The following PARP15 variants were observed in gnomAD, a reference collection of about 807,000 sequenced individuals.
PARP15 encodes poly(ADP-ribose) polymerase family member 15, also known as protein mono-ADP-ribosyltransferase PARP15.
Under a neutral mutation model 62.1 loss-of-function variants are expected in PARP15, and 50 were observed. That is an observed-to-expected ratio of 0.81 (90% CI 0.64 to 1.02). The LOEUF is 1.02. Ranked by LOEUF, PARP15 falls within the 50% of genes least tolerant of loss-of-function variation. The pLI, the probability that PARP15 is intolerant of heterozygous loss-of-function variation, is 0.00. For missense variants in PARP15, 820 were observed against 826.5 expected (o/e 0.99, Z 0.10); for synonymous variants, 309 against 293.1 (o/e 1.05, Z -0.55).
At chr3:122,619,917 G>A in intron 7 of PARP15, 74 bp downstream of exon 7, 1 of 1,352,686 alleles carries the variant, frequency 7.4e-7, no homozygotes, top group Non-Finnish European at 1.1e-6. Flanking sequence ...GGATGTACAG[G>A]AGGACTGGAG....
In PARP15 at chr3:122,636,239, T is replaced by A; in HGVS notation, c.*139T>A. The stretch of plus-strand genomic sequence containing the variant: ...AATGCTGAAAATTACCTTTTTAAAG[T>A]GCTCTATTGCTGCGATTTGTAGCAT... On this transcript the variant is annotated 3_prime_UTR_variant, in exon 12 of 12. Coordinates refer to ENST00000464300, the MANE Select transcript of PARP15 (RefSeq NM_001113523.3). 3 of 805,920 alleles carry A rather than the reference T, an allele frequency of 3.7e-6. No homozygotes were observed. The highest frequency in any genetic ancestry group is 2.9e-5 in the Admixed American group (1 of 34,400). 49.9% of individuals were successfully genotyped at this position (805,920 alleles called of 1,614,324 possible).
At chr3:122,588,282 G>A (rs1933608948) in intron 1 of PARP15, among the ~76,000 whole-genome samples, 1 of 151,584 alleles carries the variant, frequency 6.6e-6, no homozygotes, top group African/African-American at 2.4e-5. Flanking sequence ...GCTTATTTTT[G>A]CCATTAAAAT....
intron 11 of PARP15, among the ~76,000 whole-genome samples, 162 bp from the exon 12 acceptor site, chr3:122,635,649 G>C (rs555949020): frequency 1.3e-5 from 2 of 152,216 alleles, no homozygotes; most frequent in African/African-American, 4.8e-5. Flanking sequence ...CTGGCCTTAA[G>C]CAATCCTCTT....
At chr3:122,631,923 G>T (rs1937079845) in intron 9 of PARP15, among the ~76,000 whole-genome samples, 163 bp from the exon 10 acceptor site, 1 of 152,138 alleles carries the variant, frequency 6.6e-6, no homozygotes, top group Admixed American at 6.6e-5. Flanking sequence ...ACTTCATCTG[G>T]ATTTACTCAA....
chr3:122,615,575 A>C (rs1935906477), intron 4 of PARP15: 1 of 1,247,526 alleles, frequency 8.0e-7, no homozygotes, highest in South Asian at 1.6e-5. Context: ...TAGTTTACTC[A>C]CAAAGTAAAG....
At chr3:122,601,171 T>C (rs954342546) in intron 1 of PARP15, among the ~76,000 whole-genome samples, 12 of 151,086 alleles carry the variant, frequency 7.9e-5, no homozygotes, top group Admixed American at 7.3e-4. Flanking sequence ...CTACAGGTGC[T>C]TGCCACCACG....
At chr3:122,593,812 G>A (rs577142724) in intron 1 of PARP15, among the ~76,000 whole-genome samples, 15 of 151,842 alleles carry the variant, frequency 9.9e-5, no homozygotes, top group African/African-American at 3.1e-4. Flanking sequence ...AAATTTTGTC[G>A]CTTGTTTTGA....
At position 122,615,789 on chromosome 3, in the gene PARP15, A is replaced by T; in HGVS notation, c.782A>T (p.Asp261Val). 1.2e-6 allele frequency: 2 copies of T among 1,613,064 alleles called. No homozygotes were observed. Among genetic ancestry groups the T allele is most frequent in the South Asian group, 1.1e-5 (1 of 91,014 alleles). ...TGTTTCTATTTCCAGGCATTTTTAG[A>T]TGAATTCACTAACTGGTCAAGAATA... ...NDDEGCQAFLDEFTNWSRINP... is the reference protein window; with the variant it reads ...NDDEGCQAFLVEFTNWSRINP... The change falls in exon 5 of 12, where the codon GAT becomes GTT. Residue 261 changes from aspartate to valine, a missense_variant. Transcript: ENST00000464300.
rs1255422439 is a variant in PARP15, at chr3:122,636,422, A to G, written c.*322A>G. On this transcript the variant is annotated 3_prime_UTR_variant, in exon 12 of 12. Transcript: ENST00000464300. ...AACAAGATGCATCACCTTAAAACCA[A>G]GATGACATTGTTCTTCTTGGAACAT... The G allele has an allele frequency of 3.6e-6, 1 of 279,550 alleles. No homozygotes were observed. The highest frequency in any genetic ancestry group is 6.8e-6 in the Non-Finnish European group (1 of 146,322). 17.3% of individuals were successfully genotyped at this position (279,550 alleles called of 1,614,324 possible). A position where few individuals can be genotyped will look rare whatever the true frequency, so the allele number is the denominator to read the frequency against.
At chr3:122,588,917 T>G (rs1933659167) in intron 1 of PARP15, among the ~76,000 whole-genome samples, 2 of 152,254 alleles carry the variant, frequency 1.3e-5, no homozygotes, top group South Asian at 4.1e-4. Context: ...TTACTTTTTC[T>G]TCTTTTAACC....
chr3:122,624,721 A>G (rs1260958136), intron 8 of PARP15, among the ~76,000 whole-genome samples: 3 of 152,208 alleles, frequency 2.0e-5, no homozygotes, highest in Admixed American at 6.5e-5. Context: ...GTGGCTGTAA[A>G]CATTTATGCG....
intron 1 of PARP15, among the ~76,000 whole-genome samples, chr3:122,595,971 G>A (rs555229721): frequency 4.4e-4 from 66 of 151,612 alleles, no homozygotes; most frequent in Non-Finnish European, 8.8e-4. Context: ...TGTACCTATG[G>A]CTCAGTTTTT....
intron 1 of PARP15, among the ~76,000 whole-genome samples, chr3:122,593,090 G>GTCCATCTATCTA (rs1553727449): frequency 6.8e-6 from 1 of 147,752 alleles, no homozygotes; most frequent in African/African-American, 2.5e-5. Flanking sequence ...AAAATTATCT[G>GTCCATCTATCTA]TCTATCTATC....
At chr3:122,602,706 T>TTGTATTTATTGAA (rs1225537916) in intron 1 of PARP15, among the ~76,000 whole-genome samples, 3 of 151,986 alleles carry the variant, frequency 2.0e-5, no homozygotes, top group Non-Finnish European at 4.4e-5. Context: ...GCATTGTTGC[T>TTGTATTTATTGAA]TGTATTTATT....
chr3:122,595,613 G>A (rs779197611), intron 1 of PARP15, among the ~76,000 whole-genome samples: 2 of 152,258 alleles, frequency 1.3e-5, no homozygotes, highest in Non-Finnish European at 2.9e-5. Flanking sequence ...GCAGTAGCAC[G>A]ATCTTGGCCC....
chr3:122,626,845 C>G lies in PARP15; in HGVS notation c.1250C>G (p.Pro417Arg), dbSNP rs777812073. Reference protein sequence around the residue: ...AIGTGNAGKNPITVADNIIDA... With the variant: ...AIGTGNAGKNRITVADNIIDA... ...TTTTCAGGAAATGCCGGAAAAAACC[C>G]TATCACAGTTGCTGATAACATAATC... is the stretch of plus-strand genomic sequence containing the variant. The change falls in exon 9 of 12, where the codon CCT becomes CGT. Residue 417 changes from proline to arginine, a missense_variant. Physicochemically the swap from Pro to Arg is moderately radical, Grantham distance 103. Transcript: ENST00000464300. 1 of 1,610,740 alleles carries G rather than the reference C, an allele frequency of 6.2e-7. No homozygotes were observed. Among genetic ancestry groups the G allele is most frequent in the East Asian group, 2.2e-5 (1 of 44,860 alleles).
intron 8 of PARP15, among the ~76,000 whole-genome samples, chr3:122,626,453 C>T (rs1222663783): frequency 1.3e-5 from 2 of 152,150 alleles, no homozygotes; most frequent in Non-Finnish European, 2.9e-5. Flanking sequence ...CCACCTCAGC[C>T]TCTCAAAGTG....
intron 4 of PARP15, chr3:122,615,032 A>C: frequency 1.7e-5 from 6 of 350,718 alleles, no homozygotes; most frequent in Non-Finnish European, 2.3e-5. Flanking sequence ...TCTGTCTGCA[A>C]AAAAAAAAAA....
intron 7 of PARP15, among the ~76,000 whole-genome samples, chr3:122,620,733 AG>A (rs1404067716): frequency 1.8e-4 from 3 of 16,784 alleles, no homozygotes; most frequent in African/African-American, 7.2e-4. Context: ...CTGGGAGGGG[AG>A]GGTGGGAGGG....
Sources: gnomAD v4.1 joint callset for allele counts (sites outside exome capture counted in the v4.1 genomes callset) on GRCh38, gnomAD v4.1.1 for gene constraint, MANE v1.5 for transcripts, NCBI Gene and HGNC (gene_info 2026-07-23, HGNC 2026-07-21) for gene names.